Variants in BFSP1 observed in about 807,000 individuals in gnomAD.
The protein encoded by BFSP1 is beaded filament structural protein 1.
A neutral mutation model predicts 43.9 loss-of-function variants in BFSP1; 38 were observed. The ratio of observed to expected loss-of-function variants is 0.87; its 90% CI spans 0.67 to 1.14. The LOEUF (loss-of-function observed/expected upper bound fraction) is 1.14. Ranked by LOEUF, BFSP1 falls within the 50% of genes most tolerant of loss-of-function variation. The pLI, the probability that BFSP1 is intolerant of heterozygous loss-of-function variation, is 0.00. For missense variants in BFSP1, 850 were observed against 875.1 expected (o/e 0.97, Z 0.36); for synonymous variants, 352 against 354.8 (o/e 0.99, Z 0.09).
In BFSP1 at chr20:17,548,327, T is replaced by A. The variant is rs115939985; in HGVS notation, c.2+10361A>T. On this transcript the variant is annotated intron_variant, in intron 1 of 7. Transcript: ENST00000377868. Reference sequence around the variant, plus strand: ...ACGATCAATTTATTTACAAAATAAGTTTTAGTCTTACTATTCTTGGCCTGA... The same window carrying A: ...ACGATCAATTTATTTACAAAATAAGATTTAGTCTTACTATTCTTGGCCTGA... Among the ~76,000 whole-genome samples, 967 of 152,270 alleles carry A rather than the reference T, an allele frequency of 6.4e-3. 9 individuals are homozygous for A. Among genetic ancestry groups the A allele is most frequent in the African/African-American group, 0.022 (916 of 41,548 alleles).
chr20:17,498,483 C>T (rs1481719611), intron 6 of BFSP1, among the ~76,000 whole-genome samples: 1 of 152,198 alleles, frequency 6.6e-6, no homozygotes, highest in Non-Finnish European at 1.5e-5. Context: ...CCTGGGCATC[C>T]CACCTGCTGG....
intron 1 of BFSP1, 103 bp downstream of exon 1, chr20:17,530,850 A>T: frequency 1.6e-6 from 2 of 1,238,668 alleles, no homozygotes; most frequent in Non-Finnish European, 1.0e-6. Flanking sequence ...ACAGGGGACC[A>T]GAGACGGCGC....
At position 17,531,223 on chromosome 20, in the gene BFSP1, G is replaced by A. The variant is rs549462369; in HGVS notation, c.107C>T (p.Ala36Val). The A allele has an allele frequency of 3.4e-3, 4,738 of 1,381,044 alleles. 11 individuals carry two copies. The highest frequency in any genetic ancestry group is 4.3e-3 in the Middle Eastern group (17 of 3,992). The allele number at this position is 1,381,044 out of a possible 1,614,324, so 85.5% of individuals were successfully genotyped here. A position where few individuals can be genotyped will look rare whatever the true frequency, so the allele number is the denominator to read the frequency against. The change falls in exon 1 of 8, where the codon GCT becomes GTT. Residue 36 changes from alanine to valine, a missense_variant. By Grantham distance (64) the Ala-to-Val change is moderately conservative. Coordinates refer to ENST00000377873, the MANE Select transcript of BFSP1 (RefSeq NM_001195.5). ...CAGCGCCGCCAGGCTCGTTGCCCCA[G>A]CCCAGCCCTCGTCGGCCGGGCGCTC... ...EPERPADEGW[A>V]GATSLAALQG...
intron 1 of BFSP1, among the ~76,000 whole-genome samples, chr20:17,553,936 C>A (rs1396143433): frequency 6.7e-6 from 1 of 148,314 alleles, no homozygotes; most frequent in East Asian, 2.0e-4. Context: ...AGAGAAGTCA[C>A]AATTTAATTA....
upstream of BFSP1, among the ~76,000 whole-genome samples, chr20:17,532,790 C>A (rs2034569144): frequency 6.6e-6 from 1 of 152,080 alleles, no homozygotes; most frequent in Non-Finnish European, 1.5e-5. Context: ...ATATCTCCAA[C>A]TTTAAAAATA....
Position 17,494,904 on chromosome 20 carries a change from G to C in BFSP1, c.1168C>G (p.Pro390Ala), listed in dbSNP as rs766776703. The change falls in exon 8 of 8, where the codon CCA becomes GCA. Residue 390 changes from proline (P) to alanine (A), a missense_variant. Pro to Ala is a conservative substitution (Grantham distance 27, BLOSUM62 -1). Transcript: ENST00000377873. ...TTTGTGTCTTCCAAACCTTTTAATG[G>C]TGCATCTTCCAGAGCTCCGTTGGTT... ...DKTNGALEDA[P>A]LKGLEDTKLV... 8.7e-6 allele frequency: 14 copies of C among 1,613,914 alleles called. No individual in the cohort carries two copies. In the Admixed American group the frequency reaches 2.3e-4, roughly 27 times the overall value.
Position 17,499,044 on chromosome 20 carries a change from T to C in BFSP1, c.736-4A>G. On this transcript the variant is annotated splice_polypyrimidine_tract_variant and splice_region_variant and intron_variant, in intron 5 of 7. Coordinates refer to ENST00000377873, the MANE Select transcript of BFSP1 (RefSeq NM_001195.5). ...TAGCTTGTTCCAGAGTTGTTGTCTG[T>C]GGGCAAGGACACGCTGTAAGAAAAT... The C allele has an allele frequency of 6.2e-7, 1 of 1,613,648 alleles. No homozygotes were observed. The highest frequency in any genetic ancestry group is 8.5e-7 in the Non-Finnish European group (1 of 1,179,550).
chr20:17,534,410 T>C (rs2034595990), upstream of BFSP1, among the ~76,000 whole-genome samples: 1 of 152,172 alleles, frequency 6.6e-6, no homozygotes, highest in South Asian at 2.1e-4. Flanking sequence ...GTAAGTAGGG[T>C]AACCACACAT....
chr20:17,556,302 A>G (rs935016502), intron 1 of BFSP1, among the ~76,000 whole-genome samples: 2 of 152,090 alleles, frequency 1.3e-5, no homozygotes, highest in African/African-American at 2.4e-5. Context: ...CAGGAATTTG[A>G]GACCAGCCTG....
chr20:17,498,526 A>G (rs562929135), intron 6 of BFSP1, among the ~76,000 whole-genome samples: 200 of 152,272 alleles, frequency 1.3e-3, no homozygotes, highest in Non-Finnish European at 2.2e-3. Context: ...TATGAGCAAA[A>G]CACAGGCTTC....
intron 2 of BFSP1, 132 bp downstream of exon 2, chr20:17,524,716 A>C (rs2034383589): frequency 1.1e-6 from 1 of 924,180 alleles, no homozygotes; most frequent in South Asian, 1.4e-5. Flanking sequence ...ACAAGTCAAG[A>C]GACAGAGTGA....
chr20:17,515,876 C>G (rs914617729), intron 2 of BFSP1, among the ~76,000 whole-genome samples: 5 of 152,178 alleles, frequency 3.3e-5, no homozygotes, highest in Non-Finnish European at 5.9e-5. Context: ...AAGGGGAACA[C>G]GTGGTCTGAC....
intron 2 of BFSP1, among the ~76,000 whole-genome samples, chr20:17,520,589 T>G (rs538171508): frequency 6.6e-6 from 1 of 152,242 alleles, no homozygotes; most frequent in Non-Finnish European, 1.5e-5. Context: ...AATGTTGGCC[T>G]GGAGGGCACT....
At position 17,507,460 on chromosome 20, in the gene BFSP1, T is replaced by C. The variant is rs2033966209; in HGVS notation, c.735+1429A>G. ...TACATGCCAGTCAATTCTACTGAGT[T>C]CATTTTACATCCAAAAATGAGTTGT... On this transcript the variant is annotated intron_variant, in intron 5 of 7. Coordinates refer to ENST00000377873, the MANE Select transcript of BFSP1 (RefSeq NM_001195.5). This position sits in a 1 kb window ranked among gnomAD's most constrained non-coding sequence, Gnocchi z 4.4. 6.6e-6 allele frequency among the ~76,000 whole-genome samples: 1 copy of C among 152,132 alleles called. No homozygotes were observed. Among genetic ancestry groups the C allele is most frequent in the South Asian group, 2.1e-4 (1 of 4,824 alleles).
chr20:17,508,388 T>A (rs1033715423), intron 5 of BFSP1, among the ~76,000 whole-genome samples: 1 of 152,228 alleles, frequency 6.6e-6, no homozygotes, highest in African/African-American at 2.4e-5. Flanking sequence ...CGTTTCTAAC[T>A]AGAAGCAAAC....
upstream of BFSP1, chr20:17,559,037 G>T (rs1347483431): frequency 1.7e-5 from 4 of 236,318 alleles, no homozygotes; most frequent in Admixed American, 5.4e-5. Context: ...CCAAAAAGAA[G>T]AGTAAAGAAA....
intron 7 of BFSP1, among the ~76,000 whole-genome samples, chr20:17,495,384 C>T (rs2033607473): frequency 6.6e-6 from 1 of 152,258 alleles, no homozygotes; most frequent in Non-Finnish European, 1.5e-5. Flanking sequence ...CCTGTTCCCA[C>T]TGCAGCCCCA....
chr20:17,513,753 G>A (rs1289793388), intron 3 of BFSP1, among the ~76,000 whole-genome samples: 1 of 152,242 alleles, frequency 6.6e-6, no homozygotes, highest in Non-Finnish European at 1.5e-5. Flanking sequence ...GTGATGCCAG[G>A]AAACATGACG....
intron 5 of BFSP1, among the ~76,000 whole-genome samples, chr20:17,499,589 G>A (rs1041339712): frequency 2.6e-5 from 4 of 151,874 alleles, no homozygotes; most frequent in Non-Finnish European, 5.9e-5. Flanking sequence ...TAGTCCATAA[G>A]GAGGCCCACC....
Sources: gnomAD v4.1 joint callset for allele counts (sites outside exome capture counted in the v4.1 genomes callset) on GRCh38, gnomAD v4.1.1 for gene constraint, Gnocchi (gnomAD v3.1) non-coding constraint, MANE v1.5 for transcripts, NCBI Gene and HGNC (gene_info 2026-07-23, HGNC 2026-07-21) for gene names.